TSPAN5: variants seen among roughly 807,000 people sequenced by gnomAD.
The protein encoded by TSPAN5 is tetraspanin 5, also known as tetraspanin-5.
A neutral mutation model predicts 37.1 loss-of-function variants in TSPAN5; 10 were observed. The observed-to-expected ratio is 0.27, with a 90% CI of 0.17 to 0.46. The LOEUF (loss-of-function observed/expected upper bound fraction) is 0.46, where lower values mean the gene tolerates loss of function less well. Ranked by LOEUF, TSPAN5 falls within the 20% of genes least tolerant of loss-of-function variation. The probability of loss-of-function intolerance (pLI) is 1.00; values close to 1 mark genes in which losing one functional copy is unlikely to be tolerated. For missense variants in TSPAN5, 195 were observed against 326.6 expected (o/e 0.60, Z 3.11); for synonymous variants, 110 against 118.9 (o/e 0.93, Z 0.48).
At chr4:98,502,695 AGTCTG>A (rs1190156060) in intron 2 of TSPAN5, among the ~76,000 whole-genome samples, 1 of 152,150 alleles carries the variant, frequency 6.6e-6, no homozygotes, top group African/African-American at 2.4e-5. Context: ...GCAGAAATAT[AGTCTG>A]ATGTAATGAC....
intron 1 of TSPAN5, among the ~76,000 whole-genome samples, chr4:98,612,122 C>G (rs73832359): frequency 0.021 from 3,241 of 152,272 alleles, 93 homozygotes; most frequent in African/African-American, 0.074. Flanking sequence ...TGGAAACTGA[C>G]GTATATTTTA....
At chr4:98,508,945 A>AT (rs56780471) in intron 1 of TSPAN5, among the ~76,000 whole-genome samples, 1 of 151,758 alleles carries the variant, frequency 6.6e-6, no homozygotes, top group Non-Finnish European at 1.5e-5. Context: ...GTATCTCATA[A>AT]TTTTTTCCCC....
At chr4:98,586,542 G>A (rs1279150165) in intron 1 of TSPAN5, among the ~76,000 whole-genome samples, 1 of 152,232 alleles carries the variant, frequency 6.6e-6, no homozygotes, top group Non-Finnish European at 1.5e-5. Flanking sequence ...CAAGATGATA[G>A]ATTAAACCCT....
chr4:98,603,642 T>C (rs1358062636), intron 1 of TSPAN5, among the ~76,000 whole-genome samples: 1 of 152,216 alleles, frequency 6.6e-6, no homozygotes, highest in Non-Finnish European at 1.5e-5. Context: ...AGTTGTGGCC[T>C]ATGCAACCAT....
At chr4:98,533,887 T>C (rs1317406042) in intron 1 of TSPAN5, among the ~76,000 whole-genome samples, 2 of 145,680 alleles carry the variant, frequency 1.4e-5, no homozygotes, top group South Asian at 2.2e-4. Context: ...TTGATTCTTC[T>C]CTCTTTTCTT....
chr4:98,643,803 G>A (rs1375162720), intron 1 of TSPAN5, among the ~76,000 whole-genome samples: 1 of 152,192 alleles, frequency 6.6e-6, no homozygotes, highest in Admixed American at 6.5e-5. Context: ...GAAGCCAAAA[G>A]AACTTGGTAC....
chr4:98,590,130 C>A (rs1461672617), intron 1 of TSPAN5, among the ~76,000 whole-genome samples: 20 of 152,102 alleles, frequency 1.3e-4, no homozygotes, highest in Admixed American at 1.3e-3. Flanking sequence ...TCAAAAGGTA[C>A]CTTTAACAAA....
At chr4:98,603,581 G>C (rs1755934994) in intron 1 of TSPAN5, among the ~76,000 whole-genome samples, 1 of 152,120 alleles carries the variant, frequency 6.6e-6, no homozygotes, top group African/African-American at 2.4e-5. Context: ...TCAATTCATG[G>C]GAATAAAGTT....
At chr4:98,563,263 A>G (rs1754918107) in intron 1 of TSPAN5, among the ~76,000 whole-genome samples, 1 of 151,940 alleles carries the variant, frequency 6.6e-6, no homozygotes, top group Admixed American at 6.6e-5. Context: ...AACCGGGAGA[A>G]GGCAGGTGAG....
At chr4:98,581,877 G>A (rs1448178216) in intron 1 of TSPAN5, among the ~76,000 whole-genome samples, 1 of 152,140 alleles carries the variant, frequency 6.6e-6, no homozygotes, top group Non-Finnish European at 1.5e-5. Flanking sequence ...TCACTTAGGG[G>A]TATACAGTAA....
At chr4:98,520,798 T>C (rs1753836339) in intron 1 of TSPAN5, among the ~76,000 whole-genome samples, 1 of 152,246 alleles carries the variant, frequency 6.6e-6, no homozygotes, top group African/African-American at 2.4e-5. Context: ...ACGCTGCAGT[T>C]ATGGCTGTGT....
chr4:98,616,868 A>ATT (rs59868555), intron 1 of TSPAN5, among the ~76,000 whole-genome samples: 3 of 144,280 alleles, frequency 2.1e-5, no homozygotes, highest in Non-Finnish European at 3.0e-5. Flanking sequence ...CTCCACGTAA[A>ATT]TTTTTTTTTT....
At chr4:98,621,997 T>C (rs1408174456) in intron 1 of TSPAN5, among the ~76,000 whole-genome samples, 1 of 152,208 alleles carries the variant, frequency 6.6e-6, no homozygotes, top group Non-Finnish European at 1.5e-5. Context: ...TATACCACAA[T>C]TTGTTTACCC....
intron 1 of TSPAN5, among the ~76,000 whole-genome samples, chr4:98,652,010 C>T (rs1394106957): frequency 6.6e-6 from 1 of 151,462 alleles, no homozygotes; most frequent in Non-Finnish European, 1.5e-5. Flanking sequence ...ATCACCACAC[C>T]CAGCTAATTT....
Position 98,623,128 on chromosome 4 carries a change from TTAGTCTTATGTG to T in TSPAN5, c.81+35006_81+35017del, listed in dbSNP as rs555898686. ...GTGGAAAGGAAAGGTTTTAATTCCC[TTAGTCTTATGTG>T]TAAGAGGTTAAACTACTTGACCTGT... On this transcript the variant is annotated intron_variant, in intron 1 of 7. Coordinates refer to ENST00000305798, the MANE Select transcript of TSPAN5 (RefSeq NM_005723.4). 1.7e-3 allele frequency among the ~76,000 whole-genome samples: 253 copies of T among 152,350 alleles called. 1 individual carries two copies. The Middle Eastern group carries it at 0.034, about 20-fold the overall frequency.
At chr4:98,538,423 G>A (rs1321712587) in intron 1 of TSPAN5, among the ~76,000 whole-genome samples, 2 of 152,130 alleles carry the variant, frequency 1.3e-5, no homozygotes, top group Non-Finnish European at 2.9e-5. Context: ...TCCACAAAAA[G>A]GTCCACAGGA....
At chr4:98,502,619 G>C (rs1268970663) in intron 2 of TSPAN5, among the ~76,000 whole-genome samples, 2 of 152,190 alleles carry the variant, frequency 1.3e-5, no homozygotes, top group Non-Finnish European at 2.9e-5. Flanking sequence ...GCTAGGTTCA[G>C]TTAAGTGCCT....
chr4:98,645,821 A>T (rs1231603766), intron 1 of TSPAN5, among the ~76,000 whole-genome samples: 1 of 152,218 alleles, frequency 6.6e-6, no homozygotes, highest in East Asian at 1.9e-4. Flanking sequence ...CTGGTAAGCT[A>T]GAGATGACTT....
intron 1 of TSPAN5, among the ~76,000 whole-genome samples, chr4:98,618,481 C>CT (rs1292241517): frequency 6.6e-6 from 1 of 152,198 alleles, no homozygotes; most frequent in African/African-American, 2.4e-5. Flanking sequence ...GTCGTAATAA[C>CT]TAATATTGAT....
Sources: allele counts gnomAD v4.1 joint callset (sites outside exome capture counted in the v4.1 genomes callset), GRCh38; gene constraint gnomAD v4.1.1; transcripts MANE v1.5; gene names NCBI Gene and HGNC (gene_info 2026-07-23, HGNC 2026-07-21).